SNORC: variants seen among roughly 807,000 people sequenced by gnomAD.
The protein encoded by SNORC is protein SNORC.
In SNORC, 11 loss-of-function variants were observed where a neutral mutation model predicts 9.7. That is an observed-to-expected ratio of 1.14 (90% CI 0.72 to 1.88). SNORC has a LOEUF of 1.88. SNORC is among the 40% of genes most tolerant of loss of function. The probability of loss-of-function intolerance (pLI) is 0.00; values close to 1 mark genes in which losing one functional copy is unlikely to be tolerated. For missense variants in SNORC, 197 were observed against 173.1 expected (o/e 1.14, Z -0.77); for synonymous variants, 108 against 88.7 (o/e 1.22, Z -1.22).
upstream of SNORC, among the ~76,000 whole-genome samples, chr2:232,866,869 A>G (rs927933609): frequency 6.6e-6 from 1 of 152,142 alleles, no homozygotes; most frequent in Non-Finnish European, 1.5e-5. Context: ...ACCCACCCCT[A>G]TGCCTGGATA....
At chr2:232,873,950 A>G (rs1691122296) in intron 1 of SNORC, among the ~76,000 whole-genome samples, 2 of 152,192 alleles carry the variant, frequency 1.3e-5, no homozygotes, top group South Asian at 4.1e-4. Flanking sequence ...CCTTCCACCC[A>G]TGGGGCCTCC....
chr2:232,869,432 G>C (rs868756648), upstream of SNORC, among the ~76,000 whole-genome samples: 1 of 152,192 alleles, frequency 6.6e-6, no homozygotes, highest in South Asian at 2.1e-4. Flanking sequence ...GGGCTCAGAC[G>C]TGGGAAGTGA....
intron 1 of SNORC, among the ~76,000 whole-genome samples, chr2:232,872,233 C>G (rs1691053867): frequency 1.3e-5 from 2 of 152,218 alleles, no homozygotes; most frequent in South Asian, 4.1e-4. Context: ...GCCTTGTGGG[C>G]TGAGGCCCAG....
upstream of SNORC, among the ~76,000 whole-genome samples, chr2:232,868,032 A>G (rs1165241515): frequency 6.6e-6 from 1 of 152,148 alleles, no homozygotes; most frequent in Admixed American, 6.5e-5. Flanking sequence ...TTGATGCTCC[A>G]TTATAGTAAA....
upstream of SNORC, among the ~76,000 whole-genome samples, chr2:232,868,316 T>C (rs1005412143): frequency 2.6e-5 from 4 of 152,130 alleles, no homozygotes; most frequent in Non-Finnish European, 5.9e-5. Context: ...AGGCTGGTCT[T>C]GAACTCCTGA....
chr2:232,866,509 A>G (rs985820529), upstream of SNORC, among the ~76,000 whole-genome samples: 1 of 152,206 alleles, frequency 6.6e-6, no homozygotes, highest in Non-Finnish European at 1.5e-5. Context: ...CCTGCACTCA[A>G]TAACTACTTG....
upstream of SNORC, among the ~76,000 whole-genome samples, chr2:232,866,979 G>GA (rs1690891038): frequency 6.6e-6 from 1 of 152,180 alleles, no homozygotes; most frequent in African/African-American, 2.4e-5. Flanking sequence ...ATTCAGTAGA[G>GA]ATGGGGTTTC....
upstream of SNORC, among the ~76,000 whole-genome samples, chr2:232,866,742 C>G (rs1690887117): frequency 6.6e-6 from 1 of 152,096 alleles, no homozygotes; most frequent in Admixed American, 6.5e-5. Flanking sequence ...GATGTGGAGT[C>G]TTGTTCTGCC....
upstream of SNORC, among the ~76,000 whole-genome samples, chr2:232,868,074 A>G (rs1236442985): frequency 2.0e-5 from 3 of 151,844 alleles, no homozygotes; most frequent in African/African-American, 7.3e-5. Flanking sequence ...TCATTTTTGT[A>G]TATCAAGTAA....
Position 232,876,007 on chromosome 2 carries a change from C to T in SNORC, c.141C>T (p.Gly47=). ...CGGCCGAGCTGCCGTCGGGAGAAGG[C>T]CCCGTGGAGAGCACCAGCCCCGGCC... The change falls in exon 2 of 3, where the codon GGC becomes GGT. Residue 47 remains glycine, a synonymous_variant. Coordinates refer to ENST00000331342, the Ensembl canonical transcript of SNORC. This position sits in a 1 kb window ranked among gnomAD's most constrained non-coding sequence, Gnocchi z 6.8. 6.4e-7 allele frequency: 1 copy of T among 1,552,680 alleles called. No homozygotes were observed. Among genetic ancestry groups the T allele is most frequent in the Non-Finnish European group, 8.7e-7 (1 of 1,151,540 alleles).
intron 1 of SNORC, among the ~76,000 whole-genome samples, chr2:232,871,079 G>A (rs905001333): frequency 3.3e-5 from 5 of 152,318 alleles, no homozygotes; most frequent in Non-Finnish European, 5.9e-5. Flanking sequence ...GGGCGCAGAC[G>A]GGTTACAGGT....
At chr2:232,866,817 A>C (rs1416961750), upstream of SNORC, among the ~76,000 whole-genome samples, 1 of 152,126 alleles carries the variant, frequency 6.6e-6, no homozygotes, top group Non-Finnish European at 1.5e-5. Flanking sequence ...AGGTTCAAAC[A>C]ATTCTCCTGC....
Position 232,876,058 on chromosome 2 carries a change from A to G in SNORC, c.192A>G (p.Pro64=). The change falls in exon 2 of 3, where the codon CCA becomes CCG. Residue 64 remains proline, a synonymous_variant. Transcript: ENST00000331342. The surrounding 1 kb of genome is among the most constrained non-coding windows in gnomAD (Gnocchi z 6.8). ...GGGAGCCCGTGGACACCGGTCCCCC[A>G]GCCCCCACCGTCGCGCCAGGACCCG... The G allele has an allele frequency of 6.5e-7, 1 of 1,537,422 alleles. No individual in the cohort carries two copies. Among genetic ancestry groups the G allele is most frequent in the Non-Finnish European group, 8.7e-7 (1 of 1,146,324 alleles).
intron 1 of SNORC, chr2:232,875,677 C>G: frequency 1.8e-6 from 1 of 555,000 alleles, no homozygotes; most frequent in Non-Finnish European, 3.2e-6. Flanking sequence ...ACTCCCAACC[C>G]TATAAGCAGA....
chr2:232,868,387 G>A (rs914763165), upstream of SNORC, among the ~76,000 whole-genome samples: 6 of 152,086 alleles, frequency 3.9e-5, no homozygotes, highest in African/African-American at 7.2e-5. Context: ...GGGAGCCACC[G>A]CACCTGGCCA....
intron 1 of SNORC, among the ~76,000 whole-genome samples, chr2:232,873,736 C>T (rs778178350): frequency 2.0e-5 from 3 of 152,204 alleles, no homozygotes; most frequent in East Asian, 1.9e-4. Context: ...TGAGGCAGCA[C>T]GCCAGGGGCC....
At chr2:232,870,506 G>GAGTTC (rs1235604795) in intron 1 of SNORC, 92 bp downstream of exon 1, 26 of 1,255,864 alleles carry the variant, frequency 2.1e-5, no homozygotes, top group Non-Finnish European at 2.9e-5. Flanking sequence ...CACTGGGGAG[G>GAGTTC]AAGCCCTCTC....
At chr2:232,868,406 C>T (rs994370152), upstream of SNORC, among the ~76,000 whole-genome samples, 2 of 152,186 alleles carry the variant, frequency 1.3e-5, no homozygotes, top group Non-Finnish European at 1.5e-5. Context: ...CAGGTCATTT[C>T]ATCTTCACCA....
intron 1 of SNORC, among the ~76,000 whole-genome samples, chr2:232,871,028 G>C (rs1481455241): frequency 6.6e-6 from 1 of 152,194 alleles, no homozygotes; most frequent in East Asian, 1.9e-4. Flanking sequence ...TGTGGAGAGG[G>C]GAAGACTGGC....
Sources: allele counts gnomAD v4.1 joint callset (sites outside exome capture counted in the v4.1 genomes callset), GRCh38; gene constraint gnomAD v4.1.1; non-coding constraint Gnocchi (gnomAD v3.1); transcripts MANE v1.5; gene names NCBI Gene and HGNC (gene_info 2026-07-23, HGNC 2026-07-21).